The following NRCAM variants were observed in gnomAD, a reference collection of about 807,000 sequenced individuals.
NRCAM encodes the protein neuronal cell adhesion molecule, also known as NgCAM-related cell adhesion molecule.
In NRCAM, 83 loss-of-function variants were observed where a neutral mutation model predicts 156.5. The ratio of observed to expected loss-of-function variants is 0.53; its 90% CI spans 0.44 to 0.64. The LOEUF (loss-of-function observed/expected upper bound fraction) is 0.64, where lower values mean the gene tolerates loss of function less well. Among genes scored for constraint, NRCAM ranks in the 30% least tolerant of loss-of-function variants. NRCAM has a pLI of 0.00. For synonymous variants in NRCAM, 538 were observed against 563.9 expected, an observed-to-expected ratio of 0.95 and a Z score of 0.65; for missense variants, 1,417 against 1,597.3, an observed-to-expected ratio of 0.89 and a Z score of 1.92.
intron 3 of NRCAM, among the ~76,000 whole-genome samples, chr7:108,277,264 G>C (rs1394884302): frequency 1.3e-5 from 2 of 152,084 alleles, no homozygotes; most frequent in Non-Finnish European, 2.9e-5. Context: ...TGTATTTCCT[G>C]AATTTGAATG....
At chr7:108,365,248 G>A (rs2099584905) in intron 2 of NRCAM, among the ~76,000 whole-genome samples, 1 of 152,120 alleles carries the variant, frequency 6.6e-6, no homozygotes, top group Non-Finnish European at 1.5e-5. Flanking sequence ...AAGTGAAACA[G>A]GCTTAAACCC....
intron 2 of NRCAM, among the ~76,000 whole-genome samples, chr7:108,380,296 G>A (rs1453765969): frequency 2.0e-5 from 3 of 152,060 alleles, no homozygotes; most frequent in Non-Finnish European, 1.5e-5. Context: ...TTTAGAAGGA[G>A]TTTACCTATT....
chr7:108,202,804 T>C (rs2078881578), intron 13 of NRCAM, among the ~76,000 whole-genome samples: 1 of 152,186 alleles, frequency 6.6e-6, no homozygotes, highest in Admixed American at 6.5e-5. Context: ...CCCATTCTCA[T>C]TCTCTTAGTT....
intron 3 of NRCAM, among the ~76,000 whole-genome samples, chr7:108,262,620 T>A (rs981680995): frequency 2.0e-5 from 3 of 152,186 alleles, no homozygotes; most frequent in Non-Finnish European, 2.9e-5. Flanking sequence ...CCACATGTAC[T>A]CCTTGAAGAT....
chr7:108,356,187 T>C (rs1208604372), intron 2 of NRCAM, among the ~76,000 whole-genome samples: 1 of 152,204 alleles, frequency 6.6e-6, no homozygotes, highest in Non-Finnish European at 1.5e-5. Context: ...GACCTCGTGA[T>C]CTGCCTGCCT....
intron 3 of NRCAM, among the ~76,000 whole-genome samples, chr7:108,311,243 T>C (rs1253828281): frequency 6.6e-6 from 1 of 152,198 alleles, no homozygotes; most frequent in Non-Finnish European, 1.5e-5. Context: ...ACTAGTATTG[T>C]ACTGGTAAGC....
chr7:108,192,030 A>T (rs973288199), intron 17 of NRCAM, among the ~76,000 whole-genome samples, 177 bp from the exon 18 acceptor site: 7 of 152,232 alleles, frequency 4.6e-5, no homozygotes, highest in Non-Finnish European at 1.0e-4. Flanking sequence ...AAACAATGAG[A>T]ATCAATTAGA....
At chr7:108,213,469 A>G (rs1363049602) in intron 11 of NRCAM, among the ~76,000 whole-genome samples, 1 of 152,222 alleles carries the variant, frequency 6.6e-6, no homozygotes, top group Admixed American at 6.5e-5. Flanking sequence ...TAAAAGATAC[A>G]GAACTGCAGA....
At position 108,168,368 on chromosome 7, in the gene NRCAM, AG is replaced by A. The variant is rs1223016898; in HGVS notation, c.3221del (p.Thr1074MetfsTer21). 10 of 1,607,218 alleles carry A rather than the reference AG, an allele frequency of 6.2e-6. No individual in the cohort carries two copies. The highest frequency in any genetic ancestry group is 2.7e-5 in the African/African-American group (2 of 74,694). On this transcript the variant is annotated frameshift_variant, in exon 29 of 33. Transcript: ENST00000379028. LOFTEE classifies it high-confidence loss of function. ...TGGCATAGGTCTCAGCAGCTGCAGCAGTAAGATTGCTGATCCTGGGATTTAC... is the reference window on the plus strand; with the variant it reads ...TGGCATAGGTCTCAGCAGCTGCAGCATAAGATTGCTGATCCTGGGATTTAC... ...QAVNPRISNL[T>X]AAAAETYANI... is the part of the protein sequence containing the mutation.
At chr7:108,323,065 T>A (rs2099021488) in intron 2 of NRCAM, among the ~76,000 whole-genome samples, 1 of 152,156 alleles carries the variant, frequency 6.6e-6, no homozygotes, top group Admixed American at 6.5e-5. Context: ...AGAGCTTGGT[T>A]TTATTGTCAT....
Position 108,191,278 on chromosome 7 carries a change from T to C in NRCAM, c.1909A>G (p.Thr637Ala). The change falls in exon 19 of 33, where the codon ACT becomes GCT. Residue 637 changes from threonine (T) to alanine (A), a missense_variant. Thr to Ala is a moderately conservative substitution (Grantham distance 58). This residue lies in a region of NRCAM where 1,238 missense variants were observed against 1,336.4 expected (regional missense o/e 0.93). Transcript: ENST00000379028. ...CCGTAAACGGGAGCTGGAGTTGGAG[T>C]AGGAGCTAGAAAGGACATTAATATA... ...ASAVLSVVAP[T>A]PTPAPVYDVP... is the part of the protein sequence containing the mutation. 2.5e-6 allele frequency: 4 copies of C among 1,603,016 alleles called. No homozygotes were observed. Among genetic ancestry groups the C allele is most frequent in the Non-Finnish European group, 3.4e-6 (4 of 1,173,810 alleles).
At chr7:108,274,459 C>G (rs912232723) in intron 3 of NRCAM, among the ~76,000 whole-genome samples, 7 of 152,090 alleles carry the variant, frequency 4.6e-5, no homozygotes, top group Admixed American at 2.6e-4. Flanking sequence ...CTTCACTACT[C>G]TTGTAAGTTG....
intron 3 of NRCAM, among the ~76,000 whole-genome samples, chr7:108,246,433 CAG>C (rs1319291189): frequency 6.6e-6 from 1 of 152,034 alleles, no homozygotes; most frequent in African/African-American, 2.4e-5. Context: ...GAATGTGAGA[CAG>C]AGAGAGAGTG....
chr7:108,239,393 C>A (rs922254198), intron 4 of NRCAM, among the ~76,000 whole-genome samples: 1 of 152,122 alleles, frequency 6.6e-6, no homozygotes, highest in Admixed American at 6.5e-5. Context: ...TTTCCTAGTT[C>A]TAGACTTATA....
In NRCAM at chr7:108,295,961, T is replaced by C. The variant is rs73201520; in HGVS notation, c.-107+16704A>G. On this transcript the variant is annotated intron_variant, in intron 3 of 32. Coordinates refer to ENST00000379028, the MANE Select transcript of NRCAM (RefSeq NM_001037132.4). ...ATGGGGGGTTCTGCACATGACTGCA[T>C]TTGAAAAGGGCTTCACTGCGCTTGC... 8.7e-3 allele frequency among the ~76,000 whole-genome samples: 1,331 copies of C among 152,292 alleles called. 12 individuals carry two copies. The highest frequency in any genetic ancestry group is 0.01 in the Non-Finnish European group (682 of 68,026).
chr7:108,202,512 C>T (rs949757023), intron 13 of NRCAM, among the ~76,000 whole-genome samples: 3 of 152,186 alleles, frequency 2.0e-5, no homozygotes, highest in African/African-American at 4.8e-5. Flanking sequence ...AGTTAGTCAA[C>T]TTTGTAAACA....
In NRCAM at chr7:108,167,034, C is replaced by G; in HGVS notation, c.3353G>C (p.Arg1118Pro). The G allele has an allele frequency of 1.2e-6, 2 of 1,613,858 alleles. No individual in the cohort carries two copies. Among genetic ancestry groups the G allele is most frequent in the Non-Finnish European group, 1.7e-6 (2 of 1,179,816 alleles). ...TAGACCCTTTAACCCAAAGAAGCTC[C>G]GAGAACCATTTACAATTTCTTTTCT... ...EWRKEIVNGS[R>P]SFFGLKGLMP... The change falls in exon 30 of 33, where the codon CGG becomes CCG. Residue 1118 changes from arginine to proline, a missense_variant. Physicochemically the swap from Arg to Pro is moderately radical, Grantham distance 103 (BLOSUM62 -2). Around this residue, in one of 2 missense-constraint regions of NRCAM, gnomAD observed 179 missense variants for 260.9 expected, o/e 0.69. Coordinates refer to ENST00000379028, the MANE Select transcript of NRCAM (RefSeq NM_001037132.4).
At position 108,180,323 on chromosome 7, in the gene NRCAM, C is replaced by T. The variant is rs1464107820; in HGVS notation, c.2751G>A (p.Gly917=). ...QGSKTHGMLP[G]LEPFSHYTLN... ...GTGTGTAGTGGCTAAAGGGCTCTAG[C>T]CCCGGCAACATGCCATGAGTCTTGC... is the stretch of plus-strand genomic sequence containing the variant. The change falls in exon 25 of 33, where the codon GGG becomes GGA. Residue 917 remains glycine, a synonymous_variant. Coordinates refer to ENST00000379028, the MANE Select transcript of NRCAM (RefSeq NM_001037132.4). 1 of 1,614,218 alleles carries T rather than the reference C, an allele frequency of 6.2e-7. No homozygotes were observed.
intron 1 of NRCAM, among the ~76,000 whole-genome samples, chr7:108,413,692 G>A (rs770458512): frequency 6.6e-5 from 10 of 152,030 alleles, no homozygotes; most frequent in Non-Finnish European, 1.0e-4. Context: ...GAATATAGGG[G>A]GCAATTAACC....
Sources: gnomAD v4.1 joint callset for allele counts (sites outside exome capture counted in the v4.1 genomes callset) on GRCh38, gnomAD v4.1.1 for gene constraint, gnomAD v4.1.1 regional missense constraint, MANE v1.5 for transcripts, NCBI Gene and HGNC (gene_info 2026-07-23, HGNC 2026-07-21) for gene names.